The following NUP155 variants were observed in gnomAD, a reference collection of about 807,000 sequenced individuals.
The protein encoded by NUP155 is nuclear pore complex protein Nup155.
NUP155 carries 71 observed loss-of-function variants against 180.4 expected under a neutral mutation model. The ratio of observed to expected loss-of-function variants is 0.39; its 90% CI spans 0.33 to 0.48. NUP155 has a LOEUF of 0.48. Ranked by LOEUF, NUP155 falls within the 20% of genes least tolerant of loss-of-function variation. The probability of loss-of-function intolerance (pLI) is 0.91; values close to 1 mark genes in which losing one functional copy is unlikely to be tolerated. For missense variants in NUP155, 1,553 were observed against 1,648.9 expected (o/e 0.94, Z 1.01); for synonymous variants, 582 against 559.5 (o/e 1.04, Z -0.57).
chr5:37,302,874 T>C lies in NUP155; in HGVS notation c.3352A>G (p.Ile1118Val). The C allele has an allele frequency of 1.2e-6, 2 of 1,614,052 alleles. No homozygotes were observed. Among genetic ancestry groups the C allele is most frequent in the African/African-American group, 1.3e-5 (1 of 75,046 alleles). The part of the protein sequence containing the change: ...EISLQQRLEY[I>V]ARAILSAKSS... Reference sequence around the variant, plus strand: ...TTGGCACTAAGAATGGCTCGAGCAATGTACTCTAGTCGCTGCTGAAGTGAA... The same window carrying C: ...TTGGCACTAAGAATGGCTCGAGCAACGTACTCTAGTCGCTGCTGAAGTGAA... Residue 1118 changes from isoleucine to valine, a missense_variant, in exon 29 of 35, where the codon ATT (isoleucine) becomes GTT (valine). By Grantham distance (29) the Ile-to-Val change is conservative (BLOSUM62 3). Transcript: ENST00000231498.
intron 4 of NUP155, among the ~76,000 whole-genome samples, chr5:37,356,178 G>A (rs536401234): frequency 6.7e-4 from 94 of 141,170 alleles, no homozygotes; most frequent in African/African-American, 1.8e-3. Context: ...GCGGTGAGCC[G>A]AGATCACGCC....
At chr5:37,317,549 A>G (rs768434021) in intron 21 of NUP155, among the ~76,000 whole-genome samples, 17 of 152,126 alleles carry the variant, frequency 1.1e-4, no homozygotes, top group Non-Finnish European at 2.2e-4. Flanking sequence ...ATATTTCACC[A>G]CAATAAAAAA....
intron 22 of NUP155, among the ~76,000 whole-genome samples, chr5:37,313,473 A>G (rs957567453): frequency 9.1e-5 from 13 of 143,528 alleles, no homozygotes; most frequent in South Asian, 6.8e-4. Flanking sequence ...AGTGGTGTAT[A>G]TGTGTGTGTG....
chr5:37,353,198 A>G (rs1385598178), intron 4 of NUP155, among the ~76,000 whole-genome samples: 1 of 152,130 alleles, frequency 6.6e-6, no homozygotes, highest in Non-Finnish European at 1.5e-5. Flanking sequence ...ACAATAACTA[A>G]AAGGTGAAAA....
In NUP155 at chr5:37,314,341, C is replaced by T. The variant is rs746952833; in HGVS notation, c.2306-13G>A. On this transcript the variant is annotated splice_polypyrimidine_tract_variant and intron_variant, in intron 21 of 34. Transcript: ENST00000231498. ...CTTAGTTGAGCCTCTAATGAGAAAA[C>T]AAAATAAATTATTATAAAATAACAT... 1.9e-6 allele frequency: 3 copies of T among 1,574,420 alleles called. No individual in the cohort carries two copies. The highest frequency in any genetic ancestry group is 2.2e-5 in the East Asian group (1 of 44,528).
chr5:37,334,303 A>C (rs1363668855), intron 12 of NUP155, among the ~76,000 whole-genome samples: 1 of 151,806 alleles, frequency 6.6e-6, no homozygotes, highest in Non-Finnish European at 1.5e-5. Flanking sequence ...GGGTTTTACC[A>C]TGTTGCCCAG....
At chr5:37,333,339 G>T in intron 13 of NUP155, 124 bp downstream of exon 13, 1 of 873,040 alleles carries the variant, frequency 1.1e-6, no homozygotes, top group Non-Finnish European at 1.9e-6. Flanking sequence ...TGGGTGATGA[G>T]CGAGACTCCG....
At chr5:37,312,816 C>T (rs217798) in intron 22 of NUP155, among the ~76,000 whole-genome samples, 4,365 of 152,030 alleles carry the variant, frequency 0.029, 224 homozygotes, top group African/African-American at 0.099. Context: ...GGTGACAGAG[C>T]GAGACACTGT....
At chr5:37,366,313 G>A (rs1347898640) in intron 1 of NUP155, among the ~76,000 whole-genome samples, 2 of 152,052 alleles carry the variant, frequency 1.3e-5, no homozygotes, top group African/African-American at 4.8e-5. Context: ...AGTGTATTAT[G>A]GAAATTTTTA....
At position 37,310,737 on chromosome 5, in the gene NUP155, G is replaced by T; in HGVS notation, c.2443C>A (p.Gln815Lys). 2 of 1,612,984 alleles carry T rather than the reference G, an allele frequency of 1.2e-6. 1 individual carries two copies. The highest frequency in any genetic ancestry group is 4.5e-5 in the East Asian group (2 of 44,808). ...AAGGTGGTGATCTTCAGCTGCTCTT[G>T]AAGTTCCTAGGAGCATAAAACTTTT... ...IIVAELQKEL[Q>K]EQLKITTFKD... The change falls in exon 23 of 35, where the codon CAA becomes AAA. Residue 815 changes from glutamine (Q) to lysine (K), a missense_variant. Transcript: ENST00000231498.
chr5:37,361,285 A>AAAAAAAAG (rs397997410), intron 3 of NUP155, among the ~76,000 whole-genome samples: 54 of 141,528 alleles, frequency 3.8e-4, no homozygotes, highest in African/African-American at 1.5e-3. Flanking sequence ...AAAAAAAAAA[A>AAAAAAAAG]GACAATGGCT....
chr5:37,342,463 A>G, intron 10 of NUP155, 86 bp downstream of exon 10: 2 of 838,566 alleles, frequency 2.4e-6, no homozygotes, highest in Non-Finnish European at 3.9e-6. Flanking sequence ...TAGAAGGAAA[A>G]ATATATTTCT....
intron 4 of NUP155, among the ~76,000 whole-genome samples, chr5:37,356,323 G>C (rs1401333304): frequency 6.6e-6 from 1 of 151,422 alleles, no homozygotes; most frequent in East Asian, 2.0e-4. Flanking sequence ...AATTTACTCT[G>C]AACTCTGTTC....
At chr5:37,364,176 A>G in intron 2 of NUP155, 71 bp downstream of exon 2, 3 of 1,320,524 alleles carry the variant, frequency 2.3e-6, no homozygotes, top group Non-Finnish European at 3.2e-6. Context: ...AATTAAACAT[A>G]GAACAAGAAT....
intron 25 of NUP155, among the ~76,000 whole-genome samples, chr5:37,306,178 C>G (rs1743142600): frequency 6.6e-6 from 1 of 151,706 alleles, no homozygotes; most frequent in South Asian, 2.1e-4. Flanking sequence ...ATTGCTTGAG[C>G]CCAGGAGTTA....
chr5:37,360,871 C>CAG (rs1164263241), intron 3 of NUP155, among the ~76,000 whole-genome samples: 1 of 151,636 alleles, frequency 6.6e-6, no homozygotes, highest in East Asian at 1.9e-4. Context: ...GAGATAGAGA[C>CAG]AGAAAGTGGA....
intron 9 of NUP155, among the ~76,000 whole-genome samples, chr5:37,346,596 C>A (rs1315967217): frequency 6.6e-6 from 1 of 151,538 alleles, no homozygotes; most frequent in Admixed American, 6.6e-5. Flanking sequence ...CGCTTGAACC[C>A]GGGAGGTGGA....
At chr5:37,294,970 C>T (rs927851390) in intron 32 of NUP155, among the ~76,000 whole-genome samples, 3 of 152,080 alleles carry the variant, frequency 2.0e-5, no homozygotes, top group South Asian at 2.1e-4. Flanking sequence ...AGACGATTCA[C>T]GATCCCAATA....
intron 1 of NUP155, among the ~76,000 whole-genome samples, chr5:37,369,814 C>G (rs1303336536): frequency 6.6e-6 from 1 of 152,192 alleles, no homozygotes; most frequent in Non-Finnish European, 1.5e-5. Flanking sequence ...TTCTTTCTTA[C>G]ACTTCGCTGG....
Sources: gnomAD v4.1 joint callset for allele counts (sites outside exome capture counted in the v4.1 genomes callset) on GRCh38, gnomAD v4.1.1 for gene constraint, MANE v1.5 for transcripts, NCBI Gene and HGNC (gene_info 2026-07-23, HGNC 2026-07-21) for gene names.